Variants in KCNH8 observed in about 807,000 individuals in gnomAD.
KCNH8 encodes potassium voltage-gated channel subfamily H member 8, also known as voltage-gated delayed rectifier potassium channel KCNH8.
In KCNH8, 70 loss-of-function variants were observed where a neutral mutation model predicts 103.6. The ratio of observed to expected loss-of-function variants is 0.68; its 90% CI spans 0.56 to 0.82. The LOEUF is 0.82. KCNH8 is among the 40% of genes least tolerant of loss of function. The pLI, the probability that KCNH8 is intolerant of heterozygous loss-of-function variation, is 0.00. For synonymous variants in KCNH8, 498 were observed against 489.4 expected (o/e 1.02, Z -0.23); for missense variants, 1,217 against 1,329.9 (o/e 0.92, Z 1.32).
At chr3:19,447,564 TC>T in intron 8 of KCNH8, among the ~76,000 whole-genome samples, 1 of 152,146 alleles carries the variant, frequency 6.6e-6, no homozygotes, top group East Asian at 1.9e-4. Context: ...CGATTTAATC[TC>T]CATGGAAAGA....
At chr3:19,246,127 C>A (rs2064201146) in intron 1 of KCNH8, among the ~76,000 whole-genome samples, 1 of 151,930 alleles carries the variant, frequency 6.6e-6, no homozygotes, top group South Asian at 2.1e-4. Context: ...TCTTAATGAG[C>A]TTTCACCTTT....
chr3:19,252,118 G>A lies in KCNH8; in HGVS notation c.77-1536G>A, dbSNP rs151106504. On this transcript the variant is annotated intron_variant, in intron 1 of 15. Transcript: ENST00000328405. ...TAATTCATTCATAGTGAACCTAAAAGTCACCCACCAACACATTTTTTGAAT... is the reference window on the plus strand; with the variant it reads ...TAATTCATTCATAGTGAACCTAAAAATCACCCACCAACACATTTTTTGAAT... Among the ~76,000 whole-genome samples, 664 of 152,072 alleles carry A rather than the reference G, an allele frequency of 4.4e-3. 4 individuals carry two copies. Among genetic ancestry groups the A allele is most frequent in the African/African-American group, 0.015 (618 of 41,470 alleles).
chr3:19,150,816 T>C (rs1374103241), intron 1 of KCNH8, among the ~76,000 whole-genome samples: 1 of 152,144 alleles, frequency 6.6e-6, no homozygotes, highest in Non-Finnish European at 1.5e-5. Flanking sequence ...TGGTCTGTGC[T>C]CCACAGCATC....
chr3:19,193,455 A>G (rs2063571966), intron 1 of KCNH8, among the ~76,000 whole-genome samples: 2 of 151,658 alleles, frequency 1.3e-5, no homozygotes, highest in Non-Finnish European at 3.0e-5. Context: ...AGTATTTTAT[A>G]TGTGCCTGGC....
At chr3:19,486,525 A>C (rs558719294) in intron 11 of KCNH8, among the ~76,000 whole-genome samples, 34 of 152,270 alleles carry the variant, frequency 2.2e-4, no homozygotes, top group African/African-American at 7.9e-4. Context: ...AGTTGTTTTG[A>C]GAGATAGGCC....
At chr3:19,519,902 A>G (rs79805546) in intron 15 of KCNH8, among the ~76,000 whole-genome samples, 2,588 of 151,960 alleles carry the variant, frequency 0.017, 69 homozygotes, top group African/African-American at 0.058. Flanking sequence ...GAGAAAAAAT[A>G]TCTATATGTT....
intron 11 of KCNH8, among the ~76,000 whole-genome samples, chr3:19,464,535 C>A (rs2067696822): frequency 6.6e-6 from 1 of 151,882 alleles, no homozygotes; most frequent in African/African-American, 2.4e-5. Context: ...GAGAAATTTA[C>A]TAAAATGAGG....
chr3:19,470,893 G>C (rs975860747), intron 11 of KCNH8, among the ~76,000 whole-genome samples: 1 of 152,138 alleles, frequency 6.6e-6, no homozygotes, highest in Non-Finnish European at 1.5e-5. Context: ...CACATAAAAA[G>C]CTTTAAAATA....
chr3:19,411,208 C>A (rs142488734), intron 7 of KCNH8, among the ~76,000 whole-genome samples: 3 of 151,976 alleles, frequency 2.0e-5, no homozygotes, highest in Non-Finnish European at 4.4e-5. Flanking sequence ...AGGTTCGTTC[C>A]GCATGCACAA....
chr3:19,458,896 A>G (rs1198938232), intron 11 of KCNH8, among the ~76,000 whole-genome samples: 3 of 152,082 alleles, frequency 2.0e-5, no homozygotes, highest in African/African-American at 7.2e-5. Context: ...AATGACCTCC[A>G]GTTTCATCCA....
At position 19,483,635 on chromosome 3, in the gene KCNH8, G is replaced by GT. The variant is rs112336800; in HGVS notation, c.2040+26661dup. Among the ~76,000 whole-genome samples, 299 of 151,910 alleles carry GT rather than the reference G, an allele frequency of 2.0e-3. 1 individual carries two copies. The highest frequency in any genetic ancestry group is 5.5e-3 in the African/African-American group (227 of 41,416). On this transcript the variant is annotated intron_variant, in intron 11 of 15. Coordinates refer to ENST00000328405, the MANE Select transcript of KCNH8 (RefSeq NM_144633.3). ...CTAATTGCAAAAACAAATTTCTTGG[G>GT]TTTTTTTTGGAATTTCTGGTACTGG...
At chr3:19,344,559 A>G (rs1232308331) in intron 4 of KCNH8, among the ~76,000 whole-genome samples, 3 of 152,120 alleles carry the variant, frequency 2.0e-5, no homozygotes, top group Non-Finnish European at 2.9e-5. Context: ...TACAGGTAAT[A>G]TCTTATTCCT....
intron 1 of KCNH8, among the ~76,000 whole-genome samples, chr3:19,206,931 G>A (rs2063722697): frequency 6.6e-6 from 1 of 152,032 alleles, no homozygotes. Context: ...GACAAAGACA[G>A]GGAGACTGGA....
At chr3:19,450,037 A>C (rs2067422824) in intron 8 of KCNH8, 69 bp from the exon 9 acceptor site, 1 of 1,316,348 alleles carries the variant, frequency 7.6e-7, no homozygotes, top group South Asian at 1.3e-5. Context: ...ATAAACTGTA[A>C]ATTTAGATTT....
chr3:19,301,732 C>T (rs1017873653), intron 3 of KCNH8, among the ~76,000 whole-genome samples: 4 of 152,154 alleles, frequency 2.6e-5, no homozygotes, highest in Admixed American at 2.0e-4. Flanking sequence ...TCAGATGCCA[C>T]CCACAAGTAG....
At chr3:19,183,340 A>G (rs2063474221) in intron 1 of KCNH8, among the ~76,000 whole-genome samples, 1 of 152,232 alleles carries the variant, frequency 6.6e-6, no homozygotes, top group Non-Finnish European at 1.5e-5. Context: ...AAGAATAACA[A>G]GGTGTGGAGA....
intron 7 of KCNH8, among the ~76,000 whole-genome samples, chr3:19,432,172 T>G: frequency 6.6e-6 from 1 of 152,196 alleles, no homozygotes; most frequent in East Asian, 1.9e-4. Context: ...ACATGTACTT[T>G]TATGATTCAG....
At chr3:19,292,125 AG>A (rs2064936983) in intron 3 of KCNH8, among the ~76,000 whole-genome samples, 1 of 152,156 alleles carries the variant, frequency 6.6e-6, no homozygotes, top group Non-Finnish European at 1.5e-5. Context: ...TTGTTTTTCC[AG>A]GCACAGAGCC....
intron 3 of KCNH8, among the ~76,000 whole-genome samples, chr3:19,299,220 G>A (rs780212370): frequency 3.0e-4 from 46 of 152,244 alleles, no homozygotes; most frequent in African/African-American, 8.4e-4. Flanking sequence ...GTTTCTAGTC[G>A]CAATCTCACA....
Sources: gnomAD v4.1 joint callset for allele counts (sites outside exome capture counted in the v4.1 genomes callset) on GRCh38, gnomAD v4.1.1 for gene constraint, MANE v1.5 for transcripts, NCBI Gene and HGNC (gene_info 2026-07-23, HGNC 2026-07-21) for gene names.